FBN2: variants seen among roughly 807,000 people sequenced by gnomAD.
FBN2 encodes fibrillin-2.
Under a neutral mutation model 355.6 loss-of-function variants are expected in FBN2, and 105 were observed. The ratio of observed to expected loss-of-function variants is 0.30; its 90% CI spans 0.25 to 0.35. The LOEUF is 0.35. Among genes scored for constraint, FBN2 ranks in the 10% least tolerant of loss-of-function variants. FBN2 has a pLI of 1.00. For synonymous variants in FBN2, 1,350 were observed against 1,301.2 expected (o/e 1.04, Z -0.81); for missense variants, 3,280 against 3,758.7 (o/e 0.87, Z 3.33).
At chr5:128,280,701 G>T (rs907070424) in intron 55 of FBN2, among the ~76,000 whole-genome samples, 2 of 152,134 alleles carry the variant, frequency 1.3e-5, no homozygotes, top group Admixed American at 1.3e-4. Context: ...GATGGTGGGT[G>T]TTGGGTATGG....
intron 5 of FBN2, among the ~76,000 whole-genome samples, chr5:128,509,934 C>G (rs1237823579): frequency 1.3e-5 from 2 of 152,170 alleles, no homozygotes; most frequent in Admixed American, 6.5e-5. Context: ...TCCTTTCACT[C>G]CTTTCAAGCA....
intron 5 of FBN2, among the ~76,000 whole-genome samples, chr5:128,480,631 A>G (rs1262177550): frequency 1.3e-5 from 2 of 151,922 alleles, no homozygotes; most frequent in Non-Finnish European, 2.9e-5. Flanking sequence ...AATGGCTTGA[A>G]CCCGGGAGGC....
intron 1 of FBN2, 129 bp downstream of exon 1, chr5:128,537,221 G>T: frequency 6.9e-7 from 1 of 1,443,176 alleles, no homozygotes; most frequent in South Asian, 1.4e-5. Context: ...GGATATTCTG[G>T]CAAAGGGGGC....
At chr5:128,332,169 T>A (rs1001607443) in intron 32 of FBN2, among the ~76,000 whole-genome samples, 1 of 152,228 alleles carries the variant, frequency 6.6e-6, no homozygotes, top group African/African-American at 2.4e-5. Flanking sequence ...TATTCTTTAA[T>A]CCTTACTGAG....
intron 7 of FBN2, among the ~76,000 whole-genome samples, chr5:128,420,502 T>C (rs1322849646): frequency 1.3e-5 from 2 of 152,182 alleles, no homozygotes; most frequent in Non-Finnish European, 2.9e-5. Flanking sequence ...TTGTTTTACC[T>C]TCAGCTTCAA....
chr5:128,300,908 G>A lies in FBN2; in HGVS notation c.6075C>T (p.Gly2025=). ...TCTGACAGGTACCAGGAGAGCAAGA[G>A]CCGGGAAGGGCGACACACTCATTAG... The part of the protein sequence containing the change: ...IDTNECVALP[G]SCSPGTCQNL... Residue 2025 remains glycine (G), a synonymous_variant, in exon 48 of 65, where the codon GGC becomes GGT. Transcript: ENST00000262464. 6.2e-7 allele frequency: 1 copy of A among 1,613,684 alleles called. No homozygotes were observed. The highest frequency in any genetic ancestry group is 8.5e-7 in the Non-Finnish European group (1 of 1,179,584).
rs1183777391 is a variant in FBN2 at position 128,303,019 on chromosome 5, A to G, written c.5871T>C (p.Cys1957=). 1 of 1,612,398 alleles carries G rather than the reference A, an allele frequency of 6.2e-7. No individual in the cohort carries two copies. Residue 1957 remains cysteine (C), a synonymous_variant, in exon 46 of 65, where the codon TGT becomes TGC. Transcript: ENST00000262464. ...TGAGTTCAAACCCTGGGTAGCACAG[A>G]CAGTTATAGGATCCAACGGTGTTTT... ...TCKNTVGSYN[C]LCYPGFELTH...
At chr5:128,284,215 T>A (rs1186610994) in intron 55 of FBN2, among the ~76,000 whole-genome samples, 1 of 152,216 alleles carries the variant, frequency 6.6e-6, no homozygotes, top group Non-Finnish European at 1.5e-5. Context: ...AATTTTTTAA[T>A]TTAACCCTCC....
At position 128,415,404 on chromosome 5, in the gene FBN2, T is replaced by C. The variant is rs186781378; in HGVS notation, c.953-6605A>G. Among the ~76,000 whole-genome samples, 112 of 152,282 alleles carry C rather than the reference T, an allele frequency of 7.4e-4. 2 individuals carry two copies. Among genetic ancestry groups the C allele is most frequent in the Admixed American group, 7.3e-3 (111 of 15,294 alleles). On this transcript the variant is annotated intron_variant, in intron 7 of 64. Coordinates refer to ENST00000262464, the MANE Select transcript of FBN2 (RefSeq NM_001999.4). ...GCCTTTGGTAACTCTTATTCTACTC[T>C]CTCACTCCATGAGATCAATTTTTAT...
intron 5 of FBN2, among the ~76,000 whole-genome samples, chr5:128,474,882 G>A (rs1754967327): frequency 6.6e-6 from 1 of 152,228 alleles, no homozygotes; most frequent in Non-Finnish European, 1.5e-5. Context: ...GTCGTTACTT[G>A]AGAATTCTAG....
In FBN2 at chr5:128,446,511, T is replaced by G; in HGVS notation, c.922A>C (p.Lys308Gln). The G allele has an allele frequency of 6.2e-7, 1 of 1,614,082 alleles. No individual in the cohort carries two copies. The highest frequency in any genetic ancestry group is 8.5e-7 in the Non-Finnish European group (1 of 1,179,968). The change falls in exon 7 of 65, where the codon AAA becomes CAA. Residue 308 changes from lysine (K) to glutamine (Q), a missense_variant. Around this residue, in one of 6 missense-constraint regions of FBN2, gnomAD observed 343 missense variants for 331.0 expected, o/e 1.04. Transcript: ENST00000262464. ...SFECRCPAGHKQSETTQKCED... is the reference protein window; with the variant it reads ...SFECRCPAGHQQSETTQKCED... Reference sequence around the variant, plus strand: ...CATTTCTGAGTAGTTTCACTCTGTTTGTGACCAGCAGGGCATCTGCATTCA... The same window carrying G: ...CATTTCTGAGTAGTTTCACTCTGTTGGTGACCAGCAGGGCATCTGCATTCA...
intron 6 of FBN2, among the ~76,000 whole-genome samples, chr5:128,448,499 G>T (rs1271000332): frequency 2.6e-5 from 4 of 151,782 alleles, no homozygotes; most frequent in African/African-American, 4.8e-5. Flanking sequence ...TAGAGATGGG[G>T]TTTCTCCATG....
chr5:128,495,610 T>G (rs1755636381), intron 5 of FBN2, among the ~76,000 whole-genome samples: 1 of 152,052 alleles, frequency 6.6e-6, no homozygotes, highest in Non-Finnish European at 1.5e-5. Context: ...AGTGCTAACT[T>G]GACCTAATGC....
At chr5:128,361,380 T>C (rs1229590148) in intron 19 of FBN2, among the ~76,000 whole-genome samples, 4 of 152,244 alleles carry the variant, frequency 2.6e-5, no homozygotes, top group Non-Finnish European at 4.4e-5. Flanking sequence ...TAATGGATCA[T>C]AGTGGTTCTG....
chr5:128,296,480 G>A (rs1749515607), intron 48 of FBN2, among the ~76,000 whole-genome samples: 1 of 151,788 alleles, frequency 6.6e-6, no homozygotes, highest in African/African-American at 2.4e-5. Context: ...ACTCTTTTTG[G>A]TTGGTAAGCT....
chr5:128,368,029 T>G (rs1751819916), intron 16 of FBN2, among the ~76,000 whole-genome samples: 1 of 150,610 alleles, frequency 6.6e-6, no homozygotes, highest in Non-Finnish European at 1.5e-5. Flanking sequence ...TTCTTACTCA[T>G]TTTTTTCAAG....
At chr5:128,357,124 A>G (rs983740393) in intron 20 of FBN2, 152 bp downstream of exon 20, 2 of 904,452 alleles carry the variant, frequency 2.2e-6, no homozygotes, top group Non-Finnish European at 1.7e-6. Flanking sequence ...ATTATGTTTT[A>G]CCTCTATATT....
chr5:128,534,517 A>C (rs546965138), intron 2 of FBN2, among the ~76,000 whole-genome samples: 2 of 152,352 alleles, frequency 1.3e-5, no homozygotes, highest in African/African-American at 4.8e-5. Context: ...ATATTTTTGT[A>C]GATACGTCTT....
intron 15 of FBN2, chr5:128,370,982 T>C (rs1331901381): frequency 6.6e-6 from 1 of 152,150 alleles, no homozygotes; most frequent in Admixed American, 6.5e-5. Context: ...TAAATAAGGA[T>C]ACAGTTTGTA....
Sources: gnomAD v4.1 joint callset for allele counts (sites outside exome capture counted in the v4.1 genomes callset) on GRCh38, gnomAD v4.1.1 for gene constraint, gnomAD v4.1.1 regional missense constraint, MANE v1.5 for transcripts, NCBI Gene and HGNC (gene_info 2026-07-23, HGNC 2026-07-21) for gene names.